Variants in SDCCAG8 observed in about 807,000 individuals in gnomAD.
The protein encoded by SDCCAG8 is serologically defined colon cancer antigen 8.
SDCCAG8 carries 74 observed loss-of-function variants against 101.8 expected under a neutral mutation model. The observed-to-expected ratio is 0.73, with a 90% confidence interval of 0.60 to 0.88. The LOEUF (loss-of-function observed/expected upper bound fraction) is 0.88, where lower values mean the gene tolerates loss of function less well. SDCCAG8 is among the 40% of genes least tolerant of loss of function. SDCCAG8 has a pLI of 0.00. For missense variants in SDCCAG8, 787 were observed against 822.6 expected (o/e 0.96, Z 0.53); for synonymous variants, 281 against 292.9 (o/e 0.96, Z 0.41).
chr1:243,333,899 C>T (rs2074807623), intron 10 of SDCCAG8, among the ~76,000 whole-genome samples: 1 of 152,116 alleles, frequency 6.6e-6, no homozygotes. Context: ...TTTAGCAGTA[C>T]TATAGCTTGA....
rs569998828 is a variant in SDCCAG8, at chr1:243,310,055, G to C, written c.929+1878G>C. On this transcript the variant is annotated intron_variant, in intron 8 of 17. Transcript: ENST00000366541. Reference sequence around the variant, plus strand: ...ATTTTTGTATTTTTAGTAAAGACGGGGTTTCACCATGTTGGCTAGGATGGT... The same window carrying C: ...ATTTTTGTATTTTTAGTAAAGACGGCGTTTCACCATGTTGGCTAGGATGGT... Among the ~76,000 whole-genome samples the C allele has an allele frequency of 9.2e-5, 14 of 152,002 alleles. No homozygotes were observed. In the East Asian group the frequency reaches 2.7e-3, roughly 29 times the overall value.
chr1:243,477,044 G>A (rs1662584427), intron 16 of SDCCAG8, among the ~76,000 whole-genome samples: 1 of 149,518 alleles, frequency 6.7e-6, no homozygotes, highest in Non-Finnish European at 1.5e-5. Context: ...AGAGAGAAAG[G>A]CAGGAGAGCG....
intron 12 of SDCCAG8, among the ~76,000 whole-genome samples, chr1:243,352,925 C>T (rs1292299024): frequency 6.6e-6 from 1 of 152,024 alleles, no homozygotes; most frequent in Non-Finnish European, 1.5e-5. Flanking sequence ...TTTACATATA[C>T]CTGTAAGGGA....
intron 1 of SDCCAG8, among the ~76,000 whole-genome samples, chr1:243,265,706 G>A (rs549681749): frequency 3.3e-5 from 5 of 151,990 alleles, no homozygotes; most frequent in African/African-American, 4.8e-5. Flanking sequence ...CCAGCTACTC[G>A]GGAGGCTGAG....
chr1:243,271,005 A>T lies in SDCCAG8; in HGVS notation c.248A>T (p.Gln83Leu), dbSNP rs2068038503. 1 of 1,613,528 alleles carries T rather than the reference A, an allele frequency of 6.2e-7. No individual in the cohort carries two copies. Among genetic ancestry groups the T allele is most frequent in the South Asian group, 1.1e-5 (1 of 91,076 alleles). ...AATCAGCTCAAAGATTTGTTGCGCC[A>T]ACAAGCAGATAAGGAAAGTGAAGTA... ...AVNQLKDLLR[Q>L]QADKESEVSP... The change falls in exon 3 of 18, where the codon CAA (glutamine) becomes CTA (leucine). Residue 83 changes from glutamine (Q) to leucine (L), a missense_variant. Gln to Leu is a moderately radical substitution (Grantham distance 113). Transcript: ENST00000366541.
chr1:243,360,446 C>A (rs889250266), intron 12 of SDCCAG8, among the ~76,000 whole-genome samples: 1 of 152,066 alleles, frequency 6.6e-6, no homozygotes, highest in Non-Finnish European at 1.5e-5. Context: ...GCCCCCATGC[C>A]TGGCCAGCAA....
chr1:243,343,516 G>A (rs2075508454), intron 11 of SDCCAG8, among the ~76,000 whole-genome samples: 1 of 152,172 alleles, frequency 6.6e-6, no homozygotes, highest in African/African-American at 2.4e-5. Context: ...TACTATGTGT[G>A]TTCATTATTG....
intron 13 of SDCCAG8, among the ~76,000 whole-genome samples, chr1:243,411,579 C>A (rs1385385648): frequency 6.6e-6 from 1 of 152,120 alleles, no homozygotes; most frequent in Non-Finnish European, 1.5e-5. Context: ...TCCTTGTGCC[C>A]TTTTGCTCCC....
intron 6 of SDCCAG8, among the ~76,000 whole-genome samples, chr1:243,295,080 A>G (rs2070735147): frequency 6.6e-6 from 1 of 152,152 alleles, no homozygotes; most frequent in South Asian, 2.1e-4. Flanking sequence ...AGAAAATTGG[A>G]AAGACTAAGT....
intron 6 of SDCCAG8, among the ~76,000 whole-genome samples, chr1:243,298,350 C>CTTTTT (rs35061154): frequency 5.9e-5 from 3 of 51,076 alleles, no homozygotes; most frequent in Non-Finnish European, 6.8e-5. Flanking sequence ...CGCACCCTGC[C>CTTTTT]TTTTTTTTTT....
chr1:243,408,999 A>G (rs1193896574), intron 13 of SDCCAG8, among the ~76,000 whole-genome samples: 2 of 152,184 alleles, frequency 1.3e-5, no homozygotes. Context: ...GGTAGATGCC[A>G]TACTCTGACC....
At chr1:243,449,445 G>A (rs997072165) in intron 16 of SDCCAG8, among the ~76,000 whole-genome samples, 4 of 152,168 alleles carry the variant, frequency 2.6e-5, no homozygotes, top group African/African-American at 9.7e-5. Context: ...CATATTGCTA[G>A]TGATTTCTGT....
At chr1:243,271,333 TAATATA>T (rs1165411283) in intron 3 of SDCCAG8, among the ~76,000 whole-genome samples, 1 of 149,002 alleles carries the variant, frequency 6.7e-6, no homozygotes, top group African/African-American at 2.4e-5. Flanking sequence ...GCAAAATATG[TAATATA>T]AATATATAAT....
chr1:243,256,352 A>G (rs2066676411), intron 1 of SDCCAG8, 112 bp downstream of exon 1: 1 of 831,522 alleles, frequency 1.2e-6, no homozygotes, highest in South Asian at 1.4e-5. Flanking sequence ...CACGCTACAG[A>G]GGAGCAAGAT....
chr1:243,451,430 C>T (rs1409476308), intron 16 of SDCCAG8, among the ~76,000 whole-genome samples: 1 of 152,144 alleles, frequency 6.6e-6, no homozygotes, highest in Non-Finnish European at 1.5e-5. Context: ...TCCTATCTCC[C>T]GCTTTCCTTA....
At chr1:243,437,461 G>A (rs1363258730) in intron 16 of SDCCAG8, among the ~76,000 whole-genome samples, 2 of 152,028 alleles carry the variant, frequency 1.3e-5, no homozygotes, top group African/African-American at 4.8e-5. Flanking sequence ...ACCCAGGTTT[G>A]GAGGTACAGG....
At chr1:243,413,168 A>G (rs2080301318) in intron 13 of SDCCAG8, among the ~76,000 whole-genome samples, 1 of 152,170 alleles carries the variant, frequency 6.6e-6, no homozygotes, top group Non-Finnish European at 1.5e-5. Flanking sequence ...GACTTCAATT[A>G]TGACAGTAGT....
At chr1:243,363,751 T>C (rs1380770663) in intron 12 of SDCCAG8, among the ~76,000 whole-genome samples, 3 of 152,206 alleles carry the variant, frequency 2.0e-5, no homozygotes, top group Non-Finnish European at 1.5e-5. Context: ...TCACAGCATA[T>C]AAATTCAGTA....
At chr1:243,328,036 G>A (rs1197787430) in intron 9 of SDCCAG8, among the ~76,000 whole-genome samples, 1 of 151,862 alleles carries the variant, frequency 6.6e-6, no homozygotes, top group African/African-American at 2.4e-5. Context: ...CTGAGTAGCT[G>A]GGACTACAGG....
Sources: allele counts gnomAD v4.1 joint callset (sites outside exome capture counted in the v4.1 genomes callset), GRCh38; gene constraint gnomAD v4.1.1; transcripts MANE v1.5; gene names NCBI Gene and HGNC (gene_info 2026-07-23, HGNC 2026-07-21).